Variants in CAMK1G observed in about 807,000 individuals in gnomAD.
The protein encoded by CAMK1G is calcium/calmodulin-dependent protein kinase type 1G.
CAMK1G carries 27 observed loss-of-function variants against 54.8 expected under a neutral mutation model. That is an observed-to-expected ratio of 0.49 (90% CI 0.36 to 0.68). CAMK1G has a LOEUF of 0.68. Among genes scored for constraint, CAMK1G ranks in the 30% least tolerant of loss-of-function variants. The pLI, the probability that CAMK1G is intolerant of heterozygous loss-of-function variation, is 0.00. For missense variants in CAMK1G, 512 were observed against 591.0 expected (o/e 0.87, Z 1.39); for synonymous variants, 238 against 224.9 (o/e 1.06, Z -0.52).
intron 4 of CAMK1G, among the ~76,000 whole-genome samples, chr1:209,605,116 G>A (rs565472631): frequency 6.6e-6 from 1 of 152,228 alleles, no homozygotes; most frequent in East Asian, 1.9e-4. Flanking sequence ...TATAAGTACG[G>A]TTAGTCTCAC....
chr1:209,585,412 C>T (rs960500229), intron 1 of CAMK1G, among the ~76,000 whole-genome samples: 4 of 152,178 alleles, frequency 2.6e-5, no homozygotes, highest in South Asian at 4.1e-4. Flanking sequence ...ATCCCAGCAA[C>T]TGCCACCAGG....
chr1:209,586,049 C>T (rs887580405), intron 1 of CAMK1G, among the ~76,000 whole-genome samples: 1 of 152,272 alleles, frequency 6.6e-6, no homozygotes, highest in Non-Finnish European at 1.5e-5. Flanking sequence ...AGGCTGGTAA[C>T]TCAGAGCTTC....
chr1:209,609,154 GAGCTT>G, intron 8 of CAMK1G, 62 bp downstream of exon 8: 1 of 1,603,202 alleles, frequency 6.2e-7, no homozygotes, highest in Non-Finnish European at 8.5e-7. Flanking sequence ...CAAGAGAAAT[GAGCTT>G]AACAAAGGAT....
rs1284397336 is a variant in CAMK1G, at chr1:209,611,570, G to C, written c.915+18G>C. 5 of 1,607,140 alleles carry C rather than the reference G, an allele frequency of 3.1e-6. No homozygotes were observed. The Admixed American group carries it at 8.3e-5, about 27-fold the overall frequency. On this transcript the variant is annotated intron_variant, in intron 10 of 12. Coordinates refer to ENST00000361322, the MANE Select transcript of CAMK1G (RefSeq NM_020439.3). ...AGTGGAGGGTAAGCTGTCCTCTCCA[G>C]GGGGTGGGAAAGCTGTTCTGGGCCC... is the stretch of plus-strand genomic sequence containing the variant.
At chr1:209,605,751 C>A in intron 5 of CAMK1G, 77 bp downstream of exon 5, 10 of 1,450,382 alleles carry the variant, frequency 6.9e-6, no homozygotes, top group Middle Eastern at 2.3e-4. Context: ...GACATCTAAG[C>A]TCCATAAAGT....
At chr1:209,603,111 T>C in intron 3 of CAMK1G, 103 bp from the exon 4 acceptor site, 1 of 971,912 alleles carries the variant, frequency 1.0e-6, no homozygotes, top group East Asian at 2.6e-5. Flanking sequence ...TTCCTAAACA[T>C]TGCCATCAAA....
intron 2 of CAMK1G, 114 bp downstream of exon 2, chr1:209,595,189 A>T (rs1217317217): frequency 1.4e-6 from 1 of 724,370 alleles, no homozygotes; most frequent in African/African-American, 1.8e-5. Context: ...CTGTGACTTC[A>T]TTTCGATTTA....
At position 209,605,597 on chromosome 1, in the gene CAMK1G, G is replaced by A. The variant is rs1665629200; in HGVS notation, c.358G>A (p.Ala120Thr). 1.2e-6 allele frequency: 2 copies of A among 1,614,186 alleles called. No homozygotes were observed. Among genetic ancestry groups the A allele is most frequent in the African/African-American group, 2.7e-5 (2 of 75,054 alleles). ...LERGVYTEKD[A>T]SLVIQQVLSA... ...GCGGGGTGTCTACACAGAGAAGGAT[G>A]CCAGTCTGGTGATCCAGCAGGTCTT... The change falls in exon 5 of 13, where the codon GCC becomes ACC. Residue 120 changes from alanine (A) to threonine (T), a missense_variant. Ala to Thr is a moderately conservative substitution (Grantham distance 58). This residue lies in a region of CAMK1G where 186 missense variants were observed against 231.5 expected (regional missense o/e 0.80). Transcript: ENST00000361322.
Position 209,612,613 on chromosome 1 carries a change from G to A in CAMK1G, c.1341-172G>A, listed in dbSNP as rs565994007. ...GCCTCTGTGCTTTGCAGAAGGAAGT[G>A]TAGGGGGGCTTGGTTATCTTTATCT... is the stretch of plus-strand genomic sequence containing the variant. On this transcript the variant is annotated intron_variant, in intron 11 of 12. Transcript: ENST00000361322. Among the ~76,000 whole-genome samples the A allele has an allele frequency of 6.4e-3, 976 of 152,332 alleles. 11 individuals carry two copies. The highest frequency in any genetic ancestry group is 0.021 in the African/African-American group (890 of 41,562).
intron 1 of CAMK1G, among the ~76,000 whole-genome samples, chr1:209,588,113 C>T (rs1207344245): frequency 1.3e-5 from 2 of 152,202 alleles, no homozygotes; most frequent in Non-Finnish European, 2.9e-5. Flanking sequence ...GTGATTCATG[C>T]CTCCTTGCTC....
chr1:209,609,781 C>A (rs1665738319), intron 8 of CAMK1G, 70 bp from the exon 9 acceptor site: 2 of 1,472,402 alleles, frequency 1.4e-6, no homozygotes, highest in South Asian at 1.1e-5. Context: ...CACCCACCAG[C>A]CCGGAAGTGA....
At chr1:209,600,328 T>G (rs1665497565) in intron 3 of CAMK1G, among the ~76,000 whole-genome samples, 1 of 151,586 alleles carries the variant, frequency 6.6e-6, no homozygotes, top group Non-Finnish European at 1.5e-5. Flanking sequence ...GCAAATCCAC[T>G]GGTGGCAGAA....
intron 11 of CAMK1G, among the ~76,000 whole-genome samples, 168 bp from the exon 12 acceptor site, chr1:209,612,617 G>C (rs77161055): frequency 2.0e-5 from 3 of 152,182 alleles, no homozygotes; most frequent in Admixed American, 6.5e-5. Context: ...GGAAGTGTAG[G>C]GGGGCTTGGT....
chr1:209,585,115 T>C (rs1665064777), intron 1 of CAMK1G, among the ~76,000 whole-genome samples: 1 of 152,196 alleles, frequency 6.6e-6, no homozygotes, highest in Non-Finnish European at 1.5e-5. Context: ...TCCACGATGC[T>C]GCAGATTGCT....
Position 209,588,479 on chromosome 1 carries a change from G to A in CAMK1G, c.-30+4707G>A, listed in dbSNP as rs573001530. ...GACTCTGGATCACCTAATTAGGAGC[G>A]TAACAGTTTTAAGCTATTAGCCCAG... On this transcript the variant is annotated intron_variant, in intron 1 of 12. Transcript: ENST00000361322. 6.6e-5 allele frequency among the ~76,000 whole-genome samples: 10 copies of A among 152,210 alleles called. No homozygotes were observed. The East Asian group carries it at 1.2e-3, about 18-fold the overall frequency.
Position 209,596,660 on chromosome 1 carries a change from A to C in CAMK1G, c.92+1585A>C, listed in dbSNP as rs866891119. Among the ~76,000 whole-genome samples the C allele has an allele frequency of 8.5e-3, 925 of 108,276 alleles. 3 individuals carry two copies. Among genetic ancestry groups the C allele is most frequent in the South Asian group, 0.021 (51 of 2,458 alleles). 71.0% of individuals were successfully genotyped at this position (108,276 alleles called of 152,430 possible). A position where few individuals can be genotyped will look rare whatever the true frequency, so the allele number is the denominator to read the frequency against. On this transcript the variant is annotated intron_variant, in intron 2 of 12. Transcript: ENST00000361322. ...AGTATGTATTTTACATCACACACAC[A>C]CCACACACACACACACACACACACA... is the stretch of plus-strand genomic sequence containing the variant.
intron 1 of CAMK1G, among the ~76,000 whole-genome samples, chr1:209,594,510 C>T (rs1222616226): frequency 6.6e-6 from 1 of 152,194 alleles, no homozygotes; most frequent in African/African-American, 2.4e-5. Flanking sequence ...TCATTTAACC[C>T]ATAACAGGTG....
rs748889128 is a variant in CAMK1G, at chr1:209,605,506, T to A, written c.297-30T>A. 4.4e-6 allele frequency: 7 copies of A among 1,606,914 alleles called. No homozygotes were observed. The South Asian group carries it at 6.6e-5, about 15-fold the overall frequency. On this transcript the variant is annotated intron_variant, in intron 4 of 12. Coordinates refer to ENST00000361322, the MANE Select transcript of CAMK1G (RefSeq NM_020439.3). ...TCATTACTTTGAGTGAAATGAGAACTGAATTCCTGTCTTGATCCTATGCCC... is the reference window on the plus strand; with the variant it reads ...TCATTACTTTGAGTGAAATGAGAACAGAATTCCTGTCTTGATCCTATGCCC...
chr1:209,608,870 G>T, intron 7 of CAMK1G, 110 bp from the exon 8 acceptor site: 6 of 1,471,512 alleles, frequency 4.1e-6, no homozygotes, highest in Non-Finnish European at 5.5e-6. Flanking sequence ...CACTGTTCTG[G>T]GACCTTCAGT....
Sources: allele counts gnomAD v4.1 joint callset (sites outside exome capture counted in the v4.1 genomes callset), GRCh38; gene constraint gnomAD v4.1.1; regional missense constraint gnomAD v4.1.1; transcripts MANE v1.5; gene names NCBI Gene and HGNC (gene_info 2026-07-23, HGNC 2026-07-21).